NBEA: variants seen among roughly 807,000 people sequenced by gnomAD.
The protein encoded by NBEA is neurobeachin.
Under a neutral mutation model 343.4 loss-of-function variants are expected in NBEA, and 44 were observed. That is an observed-to-expected ratio of 0.13 (90% CI 0.10 to 0.16). NBEA has a LOEUF of 0.16. NBEA is among the 10% of genes least tolerant of loss of function. NBEA has a pLI of 1.00. For missense variants in NBEA, 2,555 were observed against 3,631.3 expected, an observed-to-expected ratio of 0.70 and a Z score of 7.62; for synonymous variants, 1,175 against 1,238.7, an observed-to-expected ratio of 0.95 and a Z score of 1.08.
At chr13:35,289,475 T>C (rs2035656571) in intron 34 of NBEA, among the ~76,000 whole-genome samples, 1 of 151,880 alleles carries the variant, frequency 6.6e-6, no homozygotes, top group Admixed American at 6.6e-5. Context: ...ATTCTCTATG[T>C]TGGCACTTCG....
At chr13:35,452,267 T>G (rs1014263874) in intron 40 of NBEA, 32 bp downstream of exon 40, 32 of 1,511,148 alleles carry the variant, frequency 2.1e-5, no homozygotes, top group Non-Finnish European at 2.8e-5. Context: ...TCCTATTTGT[T>G]GTAAATAAAC....
At chr13:35,247,508 A>G (rs1566514893) in intron 34 of NBEA, among the ~76,000 whole-genome samples, 2 of 151,948 alleles carry the variant, frequency 1.3e-5, no homozygotes, top group Admixed American at 6.6e-5. Context: ...AAATTGTCTC[A>G]GTTTCAGGTA....
At chr13:35,399,841 C>T (rs2042914170) in intron 38 of NBEA, among the ~76,000 whole-genome samples, 1 of 151,914 alleles carries the variant, frequency 6.6e-6, no homozygotes, top group Admixed American at 6.6e-5. Context: ...AGTTAGAGGC[C>T]ATTGTAGGGT....
rs560811453 is a variant in NBEA, at chr13:35,651,052, TA to T, written c.7964-752del. 4.6e-5 allele frequency among the ~76,000 whole-genome samples: 7 copies of T among 152,278 alleles called. No homozygotes were observed. The South Asian group carries it at 1.4e-3, about 32-fold the overall frequency. ...TAGGCAGCACATATCTTAAGGAAAA[TA>T]TATGACTGTATTATTCTCAGGAGAC... On this transcript the variant is annotated intron_variant, in intron 52 of 58. Transcript: ENST00000379939.
chr13:34,959,436 A>G (rs1180824888), intron 1 of NBEA, among the ~76,000 whole-genome samples: 1 of 151,986 alleles, frequency 6.6e-6, no homozygotes, highest in Admixed American at 6.6e-5. Flanking sequence ...ATGTAATTCC[A>G]TTTCCTTGGC....
chr13:35,533,769 A>G (rs1323290088), intron 41 of NBEA, among the ~76,000 whole-genome samples: 1 of 152,218 alleles, frequency 6.6e-6, no homozygotes, highest in Non-Finnish European at 1.5e-5. Flanking sequence ...TTTACTAAAC[A>G]TGCATATTGG....
intron 8 of NBEA, among the ~76,000 whole-genome samples, chr13:35,061,506 G>A (rs2152568959): frequency 6.6e-6 from 1 of 151,590 alleles, no homozygotes; most frequent in East Asian, 1.9e-4. Context: ...TTTTAACAAA[G>A]TTTTTATATT....
intron 11 of NBEA, among the ~76,000 whole-genome samples, chr13:35,105,170 G>A (rs2065856166): frequency 6.6e-6 from 1 of 152,010 alleles, no homozygotes; most frequent in African/African-American, 2.4e-5. Context: ...TATAGTGTAA[G>A]TGTACTGAAG....
chr13:35,054,348 T>C (rs2063170204), intron 6 of NBEA, among the ~76,000 whole-genome samples: 1 of 152,012 alleles, frequency 6.6e-6, no homozygotes, highest in Admixed American at 6.6e-5. Flanking sequence ...CTTTTTACGG[T>C]TTTTTCTTGA....
At chr13:35,164,029 T>C (rs1434678020) in intron 23 of NBEA, among the ~76,000 whole-genome samples, 1 of 152,146 alleles carries the variant, frequency 6.6e-6, no homozygotes. Context: ...GTTTTGCCTT[T>C]CAACAAAAAA....
intron 1 of NBEA, among the ~76,000 whole-genome samples, chr13:35,002,628 T>G (rs2061180444): frequency 6.6e-6 from 1 of 152,190 alleles, no homozygotes; most frequent in Non-Finnish European, 1.5e-5. Flanking sequence ...CAAAAGTAAT[T>G]GCAGTTTCAG....
At chr13:35,152,912 TC>T (rs2068887831) in intron 18 of NBEA, among the ~76,000 whole-genome samples, 1 of 152,132 alleles carries the variant, frequency 6.6e-6, no homozygotes, top group Non-Finnish European at 1.5e-5. Context: ...CTCTTACCAA[TC>T]CAGTCAAACC....
rs780868127 is a variant in NBEA, at chr13:35,584,019, T to C, written c.7157T>C (p.Leu2386Ser). The C allele has an allele frequency of 9.3e-6, 15 of 1,613,580 alleles. No individual in the cohort carries two copies. The highest frequency in any genetic ancestry group is 2.2e-5 in the East Asian group (1 of 44,820). Residue 2386 changes from leucine (L) to serine (S), a missense_variant, in exon 46 of 59, where the codon TTA (leucine) becomes TCA (serine). Around this residue, in one of 21 missense-constraint regions of NBEA, gnomAD observed 156 missense variants for 185.8 expected, o/e 0.84. Transcript: ENST00000379939. ...NTHYSTATST[L>S]SWLVRIEPFT... ...CATTATTCAACAGCAACATCTACTT[T>C]ATCCTGGCTTGTTCGAATTGTGAGT...
chr13:35,522,475 CAAAAAAAAAAAAAAAAA>C (rs138270833), intron 41 of NBEA, among the ~76,000 whole-genome samples: 5 of 42,036 alleles, frequency 1.2e-4, no homozygotes, highest in Non-Finnish European at 2.8e-4. Flanking sequence ...ATACCATCTC[CAAAAAAAAAAAAAAAAA>C]AAAAAAAAAA....
At chr13:35,308,542 ATATATATG>A (rs1211630612) in intron 35 of NBEA, among the ~76,000 whole-genome samples, 86 of 81,892 alleles carry the variant, frequency 1.1e-3, no homozygotes, top group Middle Eastern at 6.2e-3. Flanking sequence ...GTATATATGT[ATATATATG>A]TATATATGTA....
intron 51 of NBEA, among the ~76,000 whole-genome samples, chr13:35,647,477 T>G (rs746210100): frequency 6.6e-6 from 1 of 152,350 alleles, no homozygotes; most frequent in African/African-American, 2.4e-5. Flanking sequence ...GTATGTCAGA[T>G]CTGATGCTAA....
At chr13:35,476,065 G>A (rs757804229) in intron 41 of NBEA, 2 of 1,614,230 alleles carry the variant, frequency 1.2e-6, no homozygotes, top group South Asian at 1.1e-5. Context: ...GGCAATGGCA[G>A]CTTTCCTGGC....
chr13:35,091,090 G>C (rs2065058115), intron 10 of NBEA, among the ~76,000 whole-genome samples: 1 of 151,984 alleles, frequency 6.6e-6, no homozygotes, highest in Non-Finnish European at 1.5e-5. Flanking sequence ...CAGCCCTCAT[G>C]TGGTCTTATC....
intron 41 of NBEA, among the ~76,000 whole-genome samples, chr13:35,492,135 G>A (rs2076523564): frequency 6.6e-6 from 1 of 151,944 alleles, no homozygotes; most frequent in Non-Finnish European, 1.5e-5. Context: ...ATAAGTGGGA[G>A]CTAAGCTTTG....
Sources: allele counts gnomAD v4.1 joint callset (sites outside exome capture counted in the v4.1 genomes callset), GRCh38; gene constraint gnomAD v4.1.1; regional missense constraint gnomAD v4.1.1; transcripts MANE v1.5; gene names NCBI Gene and HGNC (gene_info 2026-07-23, HGNC 2026-07-21).